The following MAGT1 variants were observed in gnomAD, a reference collection of about 807,000 sequenced individuals.
The protein encoded by MAGT1 is dolichyl-diphosphooligosaccharide--protein glycosyltransferase subunit MAGT1.
In MAGT1, 4 loss-of-function variants were observed where a neutral mutation model predicts 28.4. The observed-to-expected ratio is 0.14, with a 90% CI of 0.07 to 0.32. MAGT1 has a LOEUF of 0.32. MAGT1 is among the 10% of genes least tolerant of loss of function. The pLI is 1.00. For missense variants in MAGT1, 193 were observed against 264.5 expected (o/e 0.73, Z 1.88); for synonymous variants, 89 against 89.7 (o/e 0.99, Z 0.04).
intron 8 of MAGT1, among the ~76,000 whole-genome samples, chrX:77,833,875 A>G (rs1419391630): frequency 9.0e-6 from 1 of 111,440 alleles, no homozygotes; most frequent in Non-Finnish European, 1.9e-5. Context: ...ACTTGACTTC[A>G]AATTATACTA....
chrX:77,862,448 A>G (rs2076997076), intron 3 of MAGT1, among the ~76,000 whole-genome samples: 1 of 112,120 alleles, frequency 8.9e-6, no homozygotes, highest in Non-Finnish European at 1.9e-5. Flanking sequence ...TTTACAAACT[A>G]TTCATTCAAC....
At chrX:77,871,904 A>G (rs1557217356) in intron 2 of MAGT1, among the ~76,000 whole-genome samples, 1 of 111,148 alleles carries the variant, frequency 9.0e-6, no homozygotes, top group East Asian at 2.8e-4. Flanking sequence ...ATATGCTTTC[A>G]GTTCTCATGA....
intron 3 of MAGT1, among the ~76,000 whole-genome samples, chrX:77,862,163 G>A (rs782123578): frequency 1.6e-4 from 18 of 111,346 alleles, no homozygotes; most frequent in African/African-American, 5.9e-4. Flanking sequence ...TTTCACATAC[G>A]CTTAGCTTTT....
At chrX:77,839,894 G>T (rs782294993) in intron 8 of MAGT1, among the ~76,000 whole-genome samples, 5 of 110,018 alleles carry the variant, frequency 4.5e-5, no homozygotes, top group African/African-American at 1.6e-4. Flanking sequence ...TGATCCACCC[G>T]CCTCGGTCTC....
Position 77,827,816 on chromosome X carries a change from A to G in MAGT1, c.*1404T>C, listed in dbSNP as rs1314126027. On this transcript the variant is annotated 3_prime_UTR_variant, in exon 10 of 10. Transcript: ENST00000618282. Reference sequence around the variant, plus strand: ...AAGTGACAAACTCTAATTTGTAGAAACATTTTAGGCCATGTATAAGTTACA... The same window carrying G: ...AAGTGACAAACTCTAATTTGTAGAAGCATTTTAGGCCATGTATAAGTTACA... The G allele has an allele frequency of 9.0e-6, 1 of 111,361 alleles. No individual in the cohort carries two copies. Among genetic ancestry groups the G allele is most frequent in the African/African-American group, 3.3e-5 (1 of 30,693 alleles). 9.2% of individuals were successfully genotyped at this position (111,361 alleles called of 1,213,427 possible). A position where few individuals can be genotyped will look rare whatever the true frequency, so the allele number is the denominator to read the frequency against.
chrX:77,859,157 G>A (rs2076988483), intron 3 of MAGT1, among the ~76,000 whole-genome samples: 1 of 111,335 alleles, frequency 9.0e-6, no homozygotes, highest in Admixed American at 9.7e-5. Flanking sequence ...GCAGTGAGCC[G>A]AGATTGTGCC....
chrX:77,868,568 C>A lies in MAGT1; in HGVS notation c.390+2240G>T, dbSNP rs782252499. ...AGAAGAATCACTTGAATCCAGGAGG[C>A]AGAGGTTGCAGTGAGCCGAGATCAA... On this transcript the variant is annotated intron_variant, in intron 3 of 9. Coordinates refer to ENST00000618282, the MANE Select transcript of MAGT1 (RefSeq NM_001367916.1). The A allele has an allele frequency of 6.3e-5, 13 of 206,732 alleles. No homozygotes were observed. In the South Asian group the frequency reaches 7.7e-4, roughly 12 times the overall value. The allele number at this position is 206,732 out of a possible 1,213,427, so 17.0% of individuals were successfully genotyped here.
At position 77,834,260 on chromosome X, in the gene MAGT1, GTGTATATATGCATATA is replaced by G. The variant is rs1253771789; in HGVS notation, c.902-3381_902-3366del. 2.4e-4 allele frequency among the ~76,000 whole-genome samples: 14 copies of G among 58,306 alleles called. 1 individual carries two copies. Among genetic ancestry groups the G allele is most frequent in the South Asian group, 8.0e-4 (1 of 1,255 alleles). 50.6% of individuals were successfully genotyped at this position (58,306 alleles called of 115,157 possible). On this transcript the variant is annotated intron_variant, in intron 8 of 9. Transcript: ENST00000618282. ...TATATATATGCATATATATACATGT[GTGTATATATGCATATA>G]TGTATATATATGCATATATATATAT...
chrX:77,840,775 G>A (rs1055635866), intron 8 of MAGT1, among the ~76,000 whole-genome samples: 58 of 111,010 alleles, frequency 5.2e-4, no homozygotes, highest in African/African-American at 1.9e-3. Context: ...GCCTAGGGGC[G>A]GAGGTTGCAG....
chrX:77,877,138 T>C (rs1485694938), intron 1 of MAGT1, among the ~76,000 whole-genome samples: 1 of 107,270 alleles, frequency 9.3e-6, no homozygotes, highest in Non-Finnish European at 1.9e-5. Flanking sequence ...TAGGCAAAGG[T>C]TTCTTAGGCC....
chrX:77,856,644 G>T, intron 5 of MAGT1, 89 bp downstream of exon 5: 1 of 851,097 alleles, frequency 1.2e-6, no homozygotes, highest in Non-Finnish European at 1.7e-6. Context: ...GAAATAAAAT[G>T]CTACTTCTCA....
chrX:77,875,491 C>T lies in MAGT1; in HGVS notation c.209G>A (p.Arg70Lys). 8.3e-7 allele frequency: 1 copy of T among 1,209,842 alleles called. No homozygotes were observed. Among genetic ancestry groups the T allele is most frequent in the East Asian group, 3.0e-5 (1 of 33,791 alleles). The change falls in exon 2 of 10, where the codon AGA becomes AAA. Residue 70 changes from arginine to lysine, a missense_variant. Transcript: ENST00000618282. ...GAACATGACGATAACGGAGTAATTT[C>T]TCGGTGGGGCTTTCACAAGGCGACG... Reference protein sequence around the residue: ...KFRRLVKAPPRNYSVIVMFTA... With the variant: ...KFRRLVKAPPKNYSVIVMFTA...
rs2076884639 is a variant in MAGT1 at position 77,827,154 on chromosome X, A to G, written c.*2066T>C. 9.0e-6 allele frequency: 1 copy of G among 111,722 alleles called. No homozygotes were observed. The highest frequency in any genetic ancestry group is 9.6e-5 in the Admixed American group (1 of 10,395). The allele number at this position is 111,722 out of a possible 1,213,427, so 9.2% of individuals were successfully genotyped here. A position where few individuals can be genotyped will look rare whatever the true frequency, so the allele number is the denominator to read the frequency against. ...ATAGTGGCATTTCAGGTTACTCTTC[A>G]TAACTATGGGGGAGGTTATAGTTAG... is the stretch of plus-strand genomic sequence containing the variant. On this transcript the variant is annotated 3_prime_UTR_variant, in exon 10 of 10. Coordinates refer to ENST00000618282, the MANE Select transcript of MAGT1 (RefSeq NM_001367916.1).
intron 8 of MAGT1, among the ~76,000 whole-genome samples, chrX:77,835,742 G>A (rs1162274564): frequency 1.8e-5 from 2 of 111,324 alleles, no homozygotes; most frequent in African/African-American, 6.5e-5. Context: ...TATATACAAT[G>A]GAGTACTATT....
chrX:77,894,841 T>G (rs2077093954), intron 1 of MAGT1, among the ~76,000 whole-genome samples: 1 of 112,243 alleles, frequency 8.9e-6, no homozygotes, highest in African/African-American at 3.2e-5. Flanking sequence ...AAACAATTAT[T>G]TGGACAAAGT....
chrX:77,849,893 A>C (rs12400616), intron 7 of MAGT1, among the ~76,000 whole-genome samples: 3 of 98,940 alleles, frequency 3.0e-5, no homozygotes, highest in Non-Finnish European at 4.1e-5. Context: ...AAAACAAAAA[A>C]CCAAAAAAAA....
chrX:77,861,265 CAT>C (rs782450515), intron 3 of MAGT1, among the ~76,000 whole-genome samples: 1 of 110,211 alleles, frequency 9.1e-6, no homozygotes, highest in East Asian at 2.8e-4. Flanking sequence ...CAACAAAACA[CAT>C]GAAAAAATGT....
intron 1 of MAGT1, among the ~76,000 whole-genome samples, chrX:77,876,736 C>T (rs781939344): frequency 2.7e-5 from 3 of 111,772 alleles, no homozygotes; most frequent in African/African-American, 6.5e-5. Flanking sequence ...CTAACTCAGC[C>T]GGGCATGGTG....
intron 3 of MAGT1, among the ~76,000 whole-genome samples, chrX:77,860,746 C>T (rs1406719818): frequency 6.3e-5 from 7 of 111,943 alleles, no homozygotes; most frequent in African/African-American, 1.3e-4. Flanking sequence ...TGCGCCACTG[C>T]GCTCCAGCCT....
Sources: gnomAD v4.1 joint callset for allele counts (sites outside exome capture counted in the v4.1 genomes callset) on GRCh38, gnomAD v4.1.1 for gene constraint, MANE v1.5 for transcripts, NCBI Gene and HGNC (gene_info 2026-07-23, HGNC 2026-07-21) for gene names.